The following CAMKMT variants were observed in gnomAD, a reference collection of about 807,000 sequenced individuals.
CAMKMT encodes the protein calmodulin-lysine N-methyltransferase.
In CAMKMT, 53 loss-of-function variants were observed where a neutral mutation model predicts 48.0. That is an observed-to-expected ratio of 1.10 (90% CI 0.89 to 1.39). CAMKMT has a LOEUF of 1.39. Among genes scored for constraint, CAMKMT ranks in the 40% most tolerant of loss-of-function variants. The pLI, the probability that CAMKMT is intolerant of heterozygous loss-of-function variation, is 0.00. For missense variants in CAMKMT, 428 were observed against 402.7 expected (o/e 1.06, Z -0.54); for synonymous variants, 165 against 152.3 (o/e 1.08, Z -0.61).
At chr2:44,425,986 C>A (rs1684254581) in intron 3 of CAMKMT, among the ~76,000 whole-genome samples, 1 of 152,190 alleles carries the variant, frequency 6.6e-6, no homozygotes, top group Admixed American at 6.5e-5. Context: ...CCGCCTTGGC[C>A]TCCCAAAGTG....
chr2:44,429,468 C>A (rs1262726930), intron 3 of CAMKMT, among the ~76,000 whole-genome samples: 1 of 152,118 alleles, frequency 6.6e-6, no homozygotes, highest in African/African-American at 2.4e-5. Flanking sequence ...ATCATACTTA[C>A]TTCAACATCA....
rs530283069 is a variant in CAMKMT at position 44,400,807 on chromosome 2, A to G, written c.376+10502A>G. ...TCGAGAAAGCGTATTTTTGAAACAT[A>G]CTTATTTGAGTTAAAATTGTGAAAT... On this transcript the variant is annotated intron_variant, in intron 3 of 10. Coordinates refer to ENST00000378494, the MANE Select transcript of CAMKMT (RefSeq NM_024766.5). The G allele has an allele frequency of 1.3e-5, 2 of 151,424 alleles. 1 individual carries two copies. The highest frequency in any genetic ancestry group is 4.2e-4 in the South Asian group (2 of 4,808). 9.4% of individuals were successfully genotyped at this position (151,424 alleles called of 1,614,324 possible).
chr2:44,408,630 A>G (rs1404707428), intron 3 of CAMKMT, among the ~76,000 whole-genome samples: 1 of 152,146 alleles, frequency 6.6e-6, no homozygotes, highest in Non-Finnish European at 1.5e-5. Flanking sequence ...GTATAACTTC[A>G]AAGTCTGAAC....
chr2:44,403,801 T>C (rs1190523803), intron 3 of CAMKMT, among the ~76,000 whole-genome samples: 1 of 152,146 alleles, frequency 6.6e-6, no homozygotes, highest in East Asian at 1.9e-4. Context: ...TTAATTAGAC[T>C]ACATATGGTT....
Position 44,760,602 on chromosome 2 carries a change from T to C in CAMKMT, c.763-5828T>C, listed in dbSNP as rs368303559. Among the ~76,000 whole-genome samples, 8 of 141,162 alleles carry C rather than the reference T, an allele frequency of 5.7e-5. No individual in the cohort carries two copies. The East Asian group carries it at 1.4e-3, about 25-fold the overall frequency. The allele number at this position is 141,162 out of a possible 152,430, so 92.6% of individuals were successfully genotyped here. On this transcript the variant is annotated intron_variant, in intron 9 of 10. Coordinates refer to ENST00000378494, the MANE Select transcript of CAMKMT (RefSeq NM_024766.5). ...CTCCAGACTGGGCAACAGAGCGAGA[T>C]TCCATCTCAAAAAAAAAAAAAAAAA...
intron 3 of CAMKMT, among the ~76,000 whole-genome samples, chr2:44,578,363 A>G (rs1669353027): frequency 6.6e-6 from 1 of 152,040 alleles, no homozygotes; most frequent in African/African-American, 2.4e-5. Context: ...AACAGTGAAC[A>G]TGATATTTTA....
intron 1 of CAMKMT, among the ~76,000 whole-genome samples, chr2:44,363,603 C>T (rs1678239383): frequency 6.6e-6 from 1 of 151,352 alleles, no homozygotes; most frequent in South Asian, 2.1e-4. Flanking sequence ...TGGTCTCGAA[C>T]TCCCCACCTC....
At chr2:44,577,680 A>AGAAAGG (rs1558716492) in intron 3 of CAMKMT, among the ~76,000 whole-genome samples, 1 of 148,556 alleles carries the variant, frequency 6.7e-6, no homozygotes, top group Admixed American at 6.7e-5. Context: ...AGAGGGAGAC[A>AGAAAGG]GAGAGGGAGA....
At chr2:44,546,735 G>T (rs1667431403) in intron 3 of CAMKMT, among the ~76,000 whole-genome samples, 1 of 152,176 alleles carries the variant, frequency 6.6e-6, no homozygotes, top group African/African-American at 2.4e-5. Flanking sequence ...GGCATGAAAT[G>T]ATTTAATCAG....
chr2:44,379,550 C>T (rs1204811317), intron 2 of CAMKMT, among the ~76,000 whole-genome samples: 1 of 152,046 alleles, frequency 6.6e-6, no homozygotes, highest in African/African-American at 2.4e-5. Context: ...TAGTTTCTCC[C>T]CATACTTATC....
intron 10 of CAMKMT, among the ~76,000 whole-genome samples, chr2:44,768,361 ATTTT>A (rs1553448674): frequency 1.7e-5 from 2 of 115,718 alleles, no homozygotes; most frequent in East Asian, 5.0e-4. Context: ...ATATATATAT[ATTTT>A]TTTTTTTTTT....
chr2:44,581,586 G>A (rs1669567646), intron 3 of CAMKMT, among the ~76,000 whole-genome samples: 1 of 152,110 alleles, frequency 6.6e-6, no homozygotes, highest in African/African-American at 2.4e-5. Context: ...GACTATTTGA[G>A]CTATTAAATA....
chr2:44,586,574 G>A (rs1016633450), intron 3 of CAMKMT, among the ~76,000 whole-genome samples: 8 of 152,068 alleles, frequency 5.3e-5, no homozygotes, highest in Non-Finnish European at 8.8e-5. Flanking sequence ...ACTATTTTGA[G>A]CATGCTTTCA....
chr2:44,562,707 C>T (rs550365603), intron 3 of CAMKMT, among the ~76,000 whole-genome samples: 3 of 152,264 alleles, frequency 2.0e-5, no homozygotes, highest in African/African-American at 4.8e-5. Flanking sequence ...ATTACAGATG[C>T]CTGCCACCAC....
At chr2:44,497,125 T>C (rs1377923237) in intron 3 of CAMKMT, among the ~76,000 whole-genome samples, 2 of 152,208 alleles carry the variant, frequency 1.3e-5, no homozygotes, top group African/African-American at 2.4e-5. Flanking sequence ...TTTTAAAGGC[T>C]CCAGAGTAAA....
At chr2:44,542,003 C>G (rs1667134815) in intron 3 of CAMKMT, among the ~76,000 whole-genome samples, 1 of 151,970 alleles carries the variant, frequency 6.6e-6, no homozygotes. Context: ...TGGCACGCGC[C>G]TGTAAATCCC....
At chr2:44,576,442 T>C (rs1386685656) in intron 3 of CAMKMT, among the ~76,000 whole-genome samples, 4 of 151,362 alleles carry the variant, frequency 2.6e-5, no homozygotes, top group South Asian at 4.2e-4. Flanking sequence ...TTGTGAGACA[T>C]AGTGTTCAGT....
intron 2 of CAMKMT, among the ~76,000 whole-genome samples, chr2:44,388,463 C>T (rs1225895717): frequency 1.1e-4 from 17 of 152,116 alleles, no homozygotes; most frequent in Admixed American, 1.1e-3. Flanking sequence ...TCTGGTGCCT[C>T]CCTGATTAGC....
At chr2:44,491,182 A>C (rs947771568) in intron 3 of CAMKMT, among the ~76,000 whole-genome samples, 2 of 150,164 alleles carry the variant, frequency 1.3e-5, no homozygotes, top group Non-Finnish European at 3.0e-5. Flanking sequence ...GTAAATGCAG[A>C]GTATTCCAGA....
Sources: gnomAD v4.1 joint callset for allele counts (sites outside exome capture counted in the v4.1 genomes callset) on GRCh38, gnomAD v4.1.1 for gene constraint, MANE v1.5 for transcripts, NCBI Gene and HGNC (gene_info 2026-07-23, HGNC 2026-07-21) for gene names.